NDUFAF5: variants seen among roughly 807,000 people sequenced by gnomAD.
NDUFAF5 encodes the protein arginine-hydroxylase NDUFAF5, mitochondrial.
A neutral mutation model predicts 48.9 loss-of-function variants in NDUFAF5; 34 were observed. The ratio of observed to expected loss-of-function variants is 0.70; its 90% CI spans 0.53 to 0.93. The LOEUF (loss-of-function observed/expected upper bound fraction) is 0.93. Ranked by LOEUF, NDUFAF5 falls within the 40% of genes least tolerant of loss-of-function variation. NDUFAF5 has a pLI of 0.00. For synonymous variants in NDUFAF5, 153 were observed against 150.6 expected (o/e 1.02, Z -0.12); for missense variants, 428 against 427.5 (o/e 1.00, Z -0.01).
intron 3 of NDUFAF5, among the ~76,000 whole-genome samples, chr20:13,792,302 G>A (rs1982411807): frequency 6.6e-6 from 1 of 152,158 alleles, no homozygotes; most frequent in South Asian, 2.1e-4. Flanking sequence ...AAGTGGGTGT[G>A]GGTAAAGTAA....
chr20:13,813,492 T>G (rs1986115962), intron 8 of NDUFAF5, among the ~76,000 whole-genome samples: 1 of 152,230 alleles, frequency 6.6e-6, no homozygotes, highest in African/African-American at 2.4e-5. Flanking sequence ...CATCTACCCA[T>G]GTGCCAACCA....
At position 13,794,912 on chromosome 20, in the gene NDUFAF5, T is replaced by A. The variant is rs146324749; in HGVS notation, c.450T>A (p.Asn150Lys). 4 of 1,612,386 alleles carry A rather than the reference T, an allele frequency of 2.5e-6. No homozygotes were observed. The South Asian group carries it at 3.3e-5, about 13-fold the overall frequency. The change falls in exon 5 of 11, where the codon AAT (asparagine) becomes AAA (lysine). Residue 150 changes from asparagine (N) to lysine (K), a missense_variant. By Grantham distance (94) the Asn-to-Lys change is moderately conservative. Transcript: ENST00000378106. Reference sequence around the variant, plus strand: ...AAGAATTCCTTCCCTTCAAAGAAAATACATTTGACCTGGTGGTTAGCAGTT... The same window carrying A: ...AAGAATTCCTTCCCTTCAAAGAAAAAACATTTGACCTGGTGGTTAGCAGTT... ...ADEEFLPFKE[N>K]TFDLVVSSLS...
intron 5 of NDUFAF5, among the ~76,000 whole-genome samples, chr20:13,797,059 T>G (rs191890917): frequency 1.3e-4 from 20 of 152,282 alleles, no homozygotes; most frequent in Non-Finnish European, 1.0e-4. Flanking sequence ...AAAAAATGGA[T>G]GTACCACACA....
chr20:13,814,347 A>T, intron 8 of NDUFAF5: 2 of 754,146 alleles, frequency 2.7e-6, no homozygotes, highest in Non-Finnish European at 2.0e-6. Context: ...CTGGGATTTT[A>T]CATTTGTGGT....
At chr20:13,808,817 A>C in intron 7 of NDUFAF5, 25 bp from the exon 8 acceptor site, 1 of 1,456,298 alleles carries the variant, frequency 6.9e-7, no homozygotes, top group South Asian at 1.1e-5. Context: ...ATGTCAAATG[A>C]ATATTTCTTT....
At chr20:13,796,747 G>A (rs1454923871) in intron 5 of NDUFAF5, among the ~76,000 whole-genome samples, 2 of 152,206 alleles carry the variant, frequency 1.3e-5, no homozygotes, top group East Asian at 3.9e-4. Context: ...GGGAGGCCGA[G>A]GCAGGCAGAT....
chr20:13,814,395 A>T lies in NDUFAF5; in HGVS notation c.779-2068A>T, dbSNP rs1194097158. 10 of 1,184,692 alleles carry T rather than the reference A, an allele frequency of 8.4e-6. No individual in the cohort carries two copies. In the East Asian group the frequency reaches 4.6e-4, roughly 54 times the overall value. 73.4% of individuals were successfully genotyped at this position (1,184,692 alleles called of 1,614,324 possible). On this transcript the variant is annotated intron_variant, in intron 8 of 10. Transcript: ENST00000378106. ...TTAATGGTTGTGGTGTGTCTCATTTAAGCTGCTATTATTAATTCACAGAAC... is the reference window on the plus strand; with the variant it reads ...TTAATGGTTGTGGTGTGTCTCATTTTAGCTGCTATTATTAATTCACAGAAC...
At chr20:13,801,778 C>A in intron 7 of NDUFAF5, 95 bp downstream of exon 7, 2 of 1,053,720 alleles carry the variant, frequency 1.9e-6, no homozygotes, top group Non-Finnish European at 2.9e-6. Context: ...TTCATGGTTT[C>A]ATGGCACTCT....
intron 3 of NDUFAF5, among the ~76,000 whole-genome samples, chr20:13,791,906 G>T (rs1982341757): frequency 6.6e-6 from 1 of 152,214 alleles, no homozygotes; most frequent in Non-Finnish European, 1.5e-5. Context: ...AGGCCAGCCT[G>T]TGAGAGCCAA....
At chr20:13,795,455 CATTCTGGACAA>C (rs1220507037) in intron 5 of NDUFAF5, among the ~76,000 whole-genome samples, 8 of 152,100 alleles carry the variant, frequency 5.3e-5, no homozygotes, top group African/African-American at 1.9e-4. Context: ...AATCATAACT[CATTCTGGACAA>C]ATTCTGGACA....
chr20:13,785,300 C>T lies in NDUFAF5; in HGVS notation c.222+10C>T. 2.1e-6 allele frequency: 2 copies of T among 967,324 alleles called. No homozygotes were observed. Among genetic ancestry groups the T allele is most frequent in the Non-Finnish European group, 3.0e-6 (2 of 667,612 alleles). The allele number at this position is 967,324 out of a possible 1,614,324, so 59.9% of individuals were successfully genotyped here. On this transcript the variant is annotated intron_variant, in intron 1 of 10. Transcript: ENST00000378106. Reference sequence around the variant, plus strand: ...CTACCTGAAGGAGGAGGTGAGCCCGCGGGGCGGCGGGGCGGCGGGGCGGGC... The same window carrying T: ...CTACCTGAAGGAGGAGGTGAGCCCGTGGGGCGGCGGGGCGGCGGGGCGGGC...
chr20:13,816,996 C>T (rs776735408), intron 10 of NDUFAF5, 39 bp downstream of exon 10: 20 of 1,551,890 alleles, frequency 1.3e-5, no homozygotes, highest in African/African-American at 8.2e-5. Flanking sequence ...TTAGTGGGTT[C>T]GTGTTCAGAT....
At chr20:13,809,921 T>C (rs1302405097) in intron 8 of NDUFAF5, among the ~76,000 whole-genome samples, 5 of 152,184 alleles carry the variant, frequency 3.3e-5, no homozygotes, top group Non-Finnish European at 7.3e-5. Context: ...CTAGCTCACA[T>C]AGAGAGATGG....
At chr20:13,785,424 C>G in intron 1 of NDUFAF5, 134 bp downstream of exon 1, 2 of 716,382 alleles carry the variant, frequency 2.8e-6, no homozygotes, top group Non-Finnish European at 4.6e-6. Context: ...CCTCTTTCGG[C>G]CTCTACTGTA....
intron 8 of NDUFAF5, chr20:13,814,188 A>C (rs1986198504): frequency 9.0e-6 from 3 of 335,034 alleles, no homozygotes; most frequent in Non-Finnish European, 1.8e-5. Flanking sequence ...TGTATGCTGA[A>C]ATCTTAGCCA....
chr20:13,800,133 G>A (rs1939286302), intron 6 of NDUFAF5, among the ~76,000 whole-genome samples: 1 of 152,106 alleles, frequency 6.6e-6, no homozygotes, highest in African/African-American at 2.4e-5. Context: ...CTGAGAAGAT[G>A]GCCAAGCTGA....
rs1021555923 is a variant in NDUFAF5 at position 13,818,509 on chromosome 20, C to T, written c.*1299C>T. 3.3e-5 allele frequency: 11 copies of T among 336,260 alleles called. No homozygotes were observed. The highest frequency in any genetic ancestry group is 1.3e-4 in the African/African-American group (6 of 45,646). 20.8% of individuals were successfully genotyped at this position (336,260 alleles called of 1,614,324 possible). On this transcript the variant is annotated 3_prime_UTR_variant, in exon 11 of 11. Transcript: ENST00000378106. ...GAGAACAACAACAAAAAACAAACTG[C>T]GCTAGCCAGGTGCAATGGCGCATGC...
rs1185265338 is a variant in NDUFAF5, at chr20:13,787,056, CAT to C, written c.223-247_223-246del. On this transcript the variant is annotated intron_variant, in intron 1 of 10. Coordinates refer to ENST00000378106, the MANE Select transcript of NDUFAF5 (RefSeq NM_024120.5). ...TATGTCACATGGAATGTAAAGGCCA[CAT>C]ATATATATGTGTGTGTGTGTGTGTG... is the stretch of plus-strand genomic sequence containing the variant. 60 of 506,754 alleles carry C rather than the reference CAT, an allele frequency of 1.2e-4. 1 individual carries two copies. Among genetic ancestry groups the C allele is most frequent in the African/African-American group, 1.8e-4 (9 of 50,772 alleles). 31.4% of individuals were successfully genotyped at this position (506,754 alleles called of 1,614,324 possible).
chr20:13,785,322 G>GGCGGGGC, intron 1 of NDUFAF5, 32 bp downstream of exon 1: 1 of 1,547,354 alleles, frequency 6.5e-7, no homozygotes, highest in Non-Finnish European at 8.8e-7. Flanking sequence ...GCGGCGGGGC[G>GGCGGGGC]GGCGACGCGG....
Sources: gnomAD v4.1 joint callset for allele counts (sites outside exome capture counted in the v4.1 genomes callset) on GRCh38, gnomAD v4.1.1 for gene constraint, MANE v1.5 for transcripts, NCBI Gene and HGNC (gene_info 2026-07-23, HGNC 2026-07-21) for gene names.